FNDC3B: variants seen among roughly 807,000 people sequenced by gnomAD.
The protein encoded by FNDC3B is fibronectin type III domain containing 3B.
In FNDC3B, 12 loss-of-function variants were observed where a neutral mutation model predicts 151.5. The observed-to-expected ratio is 0.08, with a 90% confidence interval of 0.05 to 0.13. FNDC3B has a LOEUF of 0.13. FNDC3B is among the 10% of genes least tolerant of loss of function. The pLI is 1.00. For missense variants in FNDC3B, 1,214 were observed against 1,505.3 expected, an observed-to-expected ratio of 0.81 and a Z score of 3.20; for synonymous variants, 528 against 549.0, an observed-to-expected ratio of 0.96 and a Z score of 0.54.
intron 6 of FNDC3B, among the ~76,000 whole-genome samples, chr3:172,280,837 GA>G (rs1729668988): frequency 6.6e-6 from 1 of 152,090 alleles, no homozygotes; most frequent in South Asian, 2.1e-4. Flanking sequence ...ATTATTTATG[GA>G]AAATTTAAAT....
chr3:172,189,799 TAAAAA>T (rs60894339), intron 3 of FNDC3B, among the ~76,000 whole-genome samples: 1 of 84,296 alleles, frequency 1.2e-5, no homozygotes, highest in African/African-American at 4.8e-5. Flanking sequence ...AGACCTTGTC[TAAAAA>T]AAAAAAAAAA....
chr3:172,212,631 G>A (rs11927691), intron 3 of FNDC3B, among the ~76,000 whole-genome samples: 3,591 of 152,274 alleles, frequency 0.024, 149 homozygotes, highest in African/African-American at 0.083. Flanking sequence ...ACAGACCTAC[G>A]TGACACCAGT....
chr3:172,063,186 A>G (rs1287311149), intron 1 of FNDC3B, among the ~76,000 whole-genome samples: 2 of 152,090 alleles, frequency 1.3e-5, no homozygotes, highest in Non-Finnish European at 1.5e-5. Flanking sequence ...CAGTTCCCTA[A>G]AATAAGATAG....
chr3:172,125,195 C>G (rs1185437008), intron 2 of FNDC3B, among the ~76,000 whole-genome samples: 1 of 152,172 alleles, frequency 6.6e-6, no homozygotes, highest in Non-Finnish European at 1.5e-5. Flanking sequence ...CACATTAACT[C>G]CAGAAGGTGG....
At position 172,297,765 on chromosome 3, in the gene FNDC3B, C is replaced by T. The variant is rs572996506; in HGVS notation, c.1002-963C>T. 1.0e-3 allele frequency among the ~76,000 whole-genome samples: 105 copies of T among 103,822 alleles called. 1 individual carries two copies. In the East Asian group the frequency reaches 0.021, roughly 21 times the overall value. The allele number at this position is 103,822 out of a possible 152,430, so 68.1% of individuals were successfully genotyped here. A position where few individuals can be genotyped will look rare whatever the true frequency, so the allele number is the denominator to read the frequency against. ...CTCGGATAACAGGCGTGAGCCACCG[C>T]GCCCGGCCTTTTTTTTCATAAGTTT... On this transcript the variant is annotated intron_variant, in intron 8 of 25. Transcript: ENST00000415807.
intron 1 of FNDC3B, among the ~76,000 whole-genome samples, chr3:172,043,791 ATC>A: frequency 6.6e-6 from 1 of 152,350 alleles, no homozygotes; most frequent in South Asian, 2.1e-4. Flanking sequence ...TTTAAATTGT[ATC>A]TTTTTTGGTT....
At chr3:172,201,793 G>A (rs972421331) in intron 3 of FNDC3B, among the ~76,000 whole-genome samples, 1 of 152,152 alleles carries the variant, frequency 6.6e-6, no homozygotes, top group Non-Finnish European at 1.5e-5. Flanking sequence ...ATAAATTTAC[G>A]GGATGCCCAG....
At chr3:172,236,027 A>C (rs1727145664) in intron 4 of FNDC3B, among the ~76,000 whole-genome samples, 1 of 152,248 alleles carries the variant, frequency 6.6e-6, no homozygotes, top group East Asian at 1.9e-4. Flanking sequence ...ACTGGGCACA[A>C]ATAAAGCCAT....
chr3:172,396,801 C>T (rs1576977753), intron 25 of FNDC3B, among the ~76,000 whole-genome samples: 1 of 152,312 alleles, frequency 6.6e-6, no homozygotes, highest in African/African-American at 2.4e-5. Flanking sequence ...CCGTGGAAAA[C>T]TTGTCCTCCA....
chr3:172,161,776 C>T (rs1472270943), intron 3 of FNDC3B, among the ~76,000 whole-genome samples: 2 of 152,122 alleles, frequency 1.3e-5, no homozygotes, highest in Non-Finnish European at 2.9e-5. Context: ...TATTGTGTAT[C>T]CATCACTACA....
At chr3:172,070,298 A>G (rs749939962) in intron 1 of FNDC3B, among the ~76,000 whole-genome samples, 3 of 152,182 alleles carry the variant, frequency 2.0e-5, no homozygotes, top group Non-Finnish European at 4.4e-5. Flanking sequence ...ATAGAGTGCA[A>G]CCTTTCGAAA....
chr3:172,062,185 CA>C (rs1717233590), intron 1 of FNDC3B, among the ~76,000 whole-genome samples: 1 of 152,116 alleles, frequency 6.6e-6, no homozygotes, highest in African/African-American at 2.4e-5. Context: ...CCTTACCCCT[CA>C]GCCCCCTTGC....
At chr3:172,330,827 A>G in intron 13 of FNDC3B, 112 bp downstream of exon 13, 1 of 779,018 alleles carries the variant, frequency 1.3e-6, no homozygotes, top group Non-Finnish European at 2.0e-6. Context: ...CAAACTCTTA[A>G]TTTCTGCCTC....
At chr3:172,073,320 A>C (rs1717867622) in intron 1 of FNDC3B, among the ~76,000 whole-genome samples, 2 of 152,192 alleles carry the variant, frequency 1.3e-5, no homozygotes, top group South Asian at 4.1e-4. Context: ...CTGTTTGCCC[A>C]CTTTCCATTT....
At chr3:172,180,185 C>G (rs4894525) in intron 3 of FNDC3B, among the ~76,000 whole-genome samples, 22,409 of 152,146 alleles carry the variant, frequency 0.15, 1,745 homozygotes, top group Admixed American at 0.2. Context: ...TCCCTTGGGT[C>G]GAGCCATGCT....
At position 172,039,663 on chromosome 3, in the gene FNDC3B, G is replaced by A; in HGVS notation, c.-137G>A. 6.0e-6 allele frequency: 1 copy of A among 165,660 alleles called. No individual in the cohort carries two copies. The highest frequency in any genetic ancestry group is 1.5e-4 in the South Asian group (1 of 6,896). 10.3% of individuals were successfully genotyped at this position (165,660 alleles called of 1,614,324 possible). On this transcript the variant is annotated 5_prime_UTR_variant, in exon 1 of 26. Transcript: ENST00000415807. ...CGGCTGGAGGAGGAGAGCGGCGGCGGCGGGAGCAGCGAAGGGGGCGGCAGG... is the reference window on the plus strand; with the variant it reads ...CGGCTGGAGGAGGAGAGCGGCGGCGACGGGAGCAGCGAAGGGGGCGGCAGG...
chr3:172,316,237 G>C (rs183089232), intron 11 of FNDC3B, among the ~76,000 whole-genome samples: 5 of 151,996 alleles, frequency 3.3e-5, no homozygotes, highest in Admixed American at 6.6e-5. Flanking sequence ...CTGACCTCAG[G>C]TGATCACCCA....
chr3:172,189,765 C>T (rs1220888682), intron 3 of FNDC3B, among the ~76,000 whole-genome samples: 4 of 121,008 alleles, frequency 3.3e-5, no homozygotes, highest in African/African-American at 9.7e-5. Context: ...TGTGCCACTG[C>T]ACAACAGCCT....
At chr3:172,202,291 G>A (rs1725193454) in intron 3 of FNDC3B, among the ~76,000 whole-genome samples, 1 of 152,114 alleles carries the variant, frequency 6.6e-6, no homozygotes, top group South Asian at 2.1e-4. Flanking sequence ...TTTATTCATT[G>A]AAAAACACAG....
Sources: allele counts gnomAD v4.1 joint callset (sites outside exome capture counted in the v4.1 genomes callset), GRCh38; gene constraint gnomAD v4.1.1; transcripts MANE v1.5; gene names NCBI Gene and HGNC (gene_info 2026-07-23, HGNC 2026-07-21).